Variants in ANGPT1 observed in about 807,000 individuals in gnomAD.
ANGPT1 encodes the protein angiopoietin-1.
Under a neutral mutation model 62.2 loss-of-function variants are expected in ANGPT1, and 17 were observed. The observed-to-expected ratio is 0.27, with a 90% CI of 0.19 to 0.41. The LOEUF (loss-of-function observed/expected upper bound fraction) is 0.41. ANGPT1 is among the 10% of genes least tolerant of loss of function. The probability of loss-of-function intolerance (pLI) is 1.00; values close to 1 mark genes in which losing one functional copy is unlikely to be tolerated. For missense variants in ANGPT1, 478 were observed against 594.9 expected (o/e 0.80, Z 2.04); for synonymous variants, 199 against 198.9 (o/e 1.00, Z 0.00).
chr8:107,481,637 A>C (rs77646211), intron 1 of ANGPT1, among the ~76,000 whole-genome samples: 1 of 151,882 alleles, frequency 6.6e-6, no homozygotes, highest in South Asian at 2.1e-4. Context: ...GAAACTGGGT[A>C]ATTTATAAAG....
chr8:107,404,073 C>T lies in ANGPT1; in HGVS notation c.298-56976G>A, dbSNP rs1009747343. ...TCTCCTCCTGTGAGAATGCCTTCCA[C>T]TCTTGCCAAGATCAGCTTCGTGCCG... On this transcript the variant is annotated intron_variant, in intron 1 of 8. Coordinates refer to ENST00000517746, the MANE Select transcript of ANGPT1 (RefSeq NM_001146.5). Among the ~76,000 whole-genome samples the T allele has an allele frequency of 8.5e-5, 13 of 152,134 alleles. No individual in the cohort carries two copies. In the South Asian group the frequency reaches 2.5e-3, roughly 29 times the overall value.
intron 1 of ANGPT1, among the ~76,000 whole-genome samples, chr8:107,361,074 G>A (rs1390254674): frequency 6.6e-6 from 1 of 152,124 alleles, no homozygotes; most frequent in African/African-American, 2.4e-5. Context: ...TTAGTATCAT[G>A]TTTGTTCTCC....
chr8:107,433,171 GT>G (rs1232423126), intron 1 of ANGPT1, among the ~76,000 whole-genome samples: 1 of 151,990 alleles, frequency 6.6e-6, no homozygotes, highest in Non-Finnish European at 1.5e-5. Context: ...TGGGCTGGTT[GT>G]TTTTTTCATT....
chr8:107,281,981 G>A (rs7846052), intron 7 of ANGPT1, among the ~76,000 whole-genome samples: 117,595 of 151,026 alleles, frequency 0.78, 46,210 homozygotes, highest in Middle Eastern at 0.85. Context: ...GACAATGTGA[G>A]TTCTAACTGC....
At chr8:107,257,255 G>C (rs1813380591) in intron 8 of ANGPT1, among the ~76,000 whole-genome samples, 2 of 152,118 alleles carry the variant, frequency 1.3e-5, no homozygotes, top group Non-Finnish European at 1.5e-5. Context: ...AGAAATCTGA[G>C]ATTCATGTTT....
At chr8:107,460,826 C>A (rs1812051007) in intron 1 of ANGPT1, among the ~76,000 whole-genome samples, 2 of 152,162 alleles carry the variant, frequency 1.3e-5, no homozygotes, top group Non-Finnish European at 2.9e-5. Flanking sequence ...CAAGAAGATA[C>A]TGTCTGGATA....
intron 1 of ANGPT1, among the ~76,000 whole-genome samples, chr8:107,486,837 G>A (rs533429275): frequency 6.6e-6 from 1 of 152,278 alleles, no homozygotes; most frequent in African/African-American, 2.4e-5. Flanking sequence ...CAATGTCCTT[G>A]CTTTTAAGTC....
intron 7 of ANGPT1, among the ~76,000 whole-genome samples, chr8:107,279,774 G>C (rs983114012): frequency 7.5e-5 from 11 of 145,826 alleles, no homozygotes; most frequent in East Asian, 1.9e-4. Context: ...CAAAGGAAGG[G>C]GGGGGGAGAG....
At chr8:107,436,837 A>T (rs546343322) in intron 1 of ANGPT1, among the ~76,000 whole-genome samples, 1 of 152,330 alleles carries the variant, frequency 6.6e-6, no homozygotes, top group Admixed American at 6.5e-5. Context: ...TAAGAATATA[A>T]ATTCCTGGAT....
At chr8:107,291,311 TCATTGTCCTATTTTAA>T (rs1814265578) in intron 6 of ANGPT1, among the ~76,000 whole-genome samples, 1 of 152,228 alleles carries the variant, frequency 6.6e-6, no homozygotes, top group Non-Finnish European at 1.5e-5. Context: ...TGAAGTATTA[TCATTGTCCTATTTTAA>T]CTAGTTAGAA....
At chr8:107,334,934 G>C (rs1234933325) in intron 3 of ANGPT1, among the ~76,000 whole-genome samples, 1 of 152,146 alleles carries the variant, frequency 6.6e-6, no homozygotes, top group Non-Finnish European at 1.5e-5. Context: ...ATAAATAAAT[G>C]TAACACTTAG....
At chr8:107,484,586 T>C (rs1398579890) in intron 1 of ANGPT1, among the ~76,000 whole-genome samples, 1 of 152,030 alleles carries the variant, frequency 6.6e-6, no homozygotes, top group African/African-American at 2.4e-5. Flanking sequence ...TTGTATATTA[T>C]TTTGTTAGAG....
chr8:107,347,602 G>A (rs1815834033), intron 1 of ANGPT1, among the ~76,000 whole-genome samples: 3 of 151,996 alleles, frequency 2.0e-5, no homozygotes, highest in African/African-American at 4.8e-5. Context: ...TTTTTGTAAC[G>A]ATAAATAAAA....
At chr8:107,317,463 T>C (rs886706471) in intron 4 of ANGPT1, among the ~76,000 whole-genome samples, 19 of 152,258 alleles carry the variant, frequency 1.2e-4, no homozygotes, top group Admixed American at 3.9e-4. Context: ...TATAATACAG[T>C]CTAAATACTT....
rs566833214 is a variant in ANGPT1 at position 107,268,033 on chromosome 8, C to T, written c.1206-3682G>A. ...GCATCTTCATGATGACACTTACTTG[C>T]TGTATTTTAATTGTCTTTTCACTTT... On this transcript the variant is annotated intron_variant, in intron 7 of 8. Coordinates refer to ENST00000517746, the MANE Select transcript of ANGPT1 (RefSeq NM_001146.5). Among the ~76,000 whole-genome samples, 9 of 152,138 alleles carry T rather than the reference C, an allele frequency of 5.9e-5. No individual in the cohort carries two copies. The East Asian group carries it at 1.4e-3, about 23-fold the overall frequency.
chr8:107,382,717 A>C (rs990689795), intron 1 of ANGPT1, among the ~76,000 whole-genome samples: 5 of 152,134 alleles, frequency 3.3e-5, no homozygotes, highest in Non-Finnish European at 7.4e-5. Flanking sequence ...ACTAGGAGAC[A>C]ACTTAGAAAT....
intron 7 of ANGPT1, among the ~76,000 whole-genome samples, chr8:107,272,265 A>C (rs1328553623): frequency 1.3e-5 from 2 of 152,056 alleles, no homozygotes; most frequent in Non-Finnish European, 2.9e-5. Context: ...AAGGAAGATA[A>C]ATTTCCAAAG....
chr8:107,275,091 T>A (rs146704736), intron 7 of ANGPT1, among the ~76,000 whole-genome samples: 1 of 151,976 alleles, frequency 6.6e-6, no homozygotes, highest in African/African-American at 2.4e-5. Context: ...AAAATAGAGG[T>A]TGAGTTCTGT....
intron 1 of ANGPT1, among the ~76,000 whole-genome samples, chr8:107,444,813 A>G (rs1402187752): frequency 2.6e-5 from 4 of 152,170 alleles, no homozygotes; most frequent in Admixed American, 2.0e-4. Flanking sequence ...TTAATTTTTC[A>G]TGGGAGATAA....
Sources: gnomAD v4.1 joint callset for allele counts (sites outside exome capture counted in the v4.1 genomes callset) on GRCh38, gnomAD v4.1.1 for gene constraint, MANE v1.5 for transcripts, NCBI Gene and HGNC (gene_info 2026-07-23, HGNC 2026-07-21) for gene names.